Variants in DZIP1L observed in about 807,000 individuals in gnomAD.
The protein encoded by DZIP1L is cilium assembly protein DZIP1L.
A neutral mutation model predicts 88.7 loss-of-function variants in DZIP1L; 90 were observed. The ratio of observed to expected loss-of-function variants is 1.02; its 90% CI spans 0.86 to 1.21. The LOEUF is 1.21. DZIP1L is among the 50% of genes most tolerant of loss of function. The pLI is 0.00. For missense variants in DZIP1L, 932 were observed against 955.8 expected (o/e 0.98, Z 0.33); for synonymous variants, 363 against 372.1 (o/e 0.98, Z 0.28).
In DZIP1L at chr3:138,071,403, G is replaced by A. The variant is rs1312029409; in HGVS notation, c.1615+240C>T. 5.9e-5 allele frequency among the ~76,000 whole-genome samples: 9 copies of A among 152,260 alleles called. No homozygotes were observed. In the South Asian group the frequency reaches 6.2e-4, roughly 11 times the overall value. On this transcript the variant is annotated intron_variant, in intron 12 of 15. Coordinates refer to ENST00000327532, the MANE Select transcript of DZIP1L (RefSeq NM_173543.3). Reference sequence around the variant, plus strand: ...CAGGCTGACAACAGGCTCCAGCTCCGGCTCTCCTCCAACTTCCCCGAGTGA... The same window carrying A: ...CAGGCTGACAACAGGCTCCAGCTCCAGCTCTCCTCCAACTTCCCCGAGTGA...
chr3:138,066,963 C>A (rs905824408), intron 14 of DZIP1L, among the ~76,000 whole-genome samples: 1 of 152,126 alleles, frequency 6.6e-6, no homozygotes, highest in Admixed American at 6.5e-5. Context: ...TGGAGCCTGG[C>A]TGGAGTGTAC....
chr3:138,075,902 T>A (rs532559698), intron 11 of DZIP1L, among the ~76,000 whole-genome samples: 58 of 152,052 alleles, frequency 3.8e-4, no homozygotes, highest in African/African-American at 1.2e-3. Context: ...GAGGTTGCAG[T>A]GAGCCGAGAT....
rs370713283 is a variant in DZIP1L at position 138,092,391 on chromosome 3, G to A, written c.862C>T (p.Leu288=). 6.3e-7 allele frequency: 1 copy of A among 1,581,982 alleles called. No individual in the cohort carries two copies. Among genetic ancestry groups the A allele is most frequent in the African/African-American group, 1.4e-5 (1 of 73,082 alleles). ...CCTTTTATGTTGGGTACCTCTTCTA[G>A]TGTAGAGTTCTGCTTGGCGACATTT... ...FKNVAKQNST[L]EEKLRALQSH... is the part of the protein sequence containing the mutation. The change falls in exon 5 of 16, where the codon CTA becomes TTA. Residue 288 remains leucine, a synonymous_variant. Transcript: ENST00000327532.
Position 138,097,748 on chromosome 3 carries a change from G to T in DZIP1L, c.586+15C>A. On this transcript the variant is annotated intron_variant, in intron 3 of 15. Coordinates refer to ENST00000327532, the MANE Select transcript of DZIP1L (RefSeq NM_173543.3). ...CACAGTCCCAGAAGGGGCCCGGGCT[G>T]CTGTCTGGACTCACCACCTTCTGCC... 6.2e-7 allele frequency: 1 copy of T among 1,604,648 alleles called. No homozygotes were observed. Among genetic ancestry groups the T allele is most frequent in the Non-Finnish European group, 8.5e-7 (1 of 1,175,388 alleles).
chr3:138,102,831 G>C, intron 2 of DZIP1L: 1 of 719,942 alleles, frequency 1.4e-6, no homozygotes, highest in South Asian at 1.4e-5. Flanking sequence ...TGCCAGCACT[G>C]GGCCCACTCA....
At chr3:138,103,370 G>T in intron 2 of DZIP1L, 101 bp downstream of exon 2, 1 of 1,332,842 alleles carries the variant, frequency 7.5e-7, no homozygotes, top group Non-Finnish European at 1.0e-6. Context: ...CAGCCCCCCA[G>T]CAGCCTTAAG....
intron 11 of DZIP1L, among the ~76,000 whole-genome samples, chr3:138,075,138 G>A (rs1943344943): frequency 6.6e-6 from 1 of 152,152 alleles, no homozygotes; most frequent in Non-Finnish European, 1.5e-5. Flanking sequence ...TAACACTGGA[G>A]TTTCCAAATT....
chr3:138,061,990 T>C lies in DZIP1L; in HGVS notation c.*826A>G, dbSNP rs1333428253. On this transcript the variant is annotated 3_prime_UTR_variant, in exon 16 of 16. Coordinates refer to ENST00000327532, the MANE Select transcript of DZIP1L (RefSeq NM_173543.3). ...AAAAATAATGAAATACATACCAGAGTTAAAAACATTGTACTATATTTAAAT... is the reference window on the plus strand; with the variant it reads ...AAAAATAATGAAATACATACCAGAGCTAAAAACATTGTACTATATTTAAAT... 6.6e-6 allele frequency: 1 copy of C among 152,646 alleles called. No individual in the cohort carries two copies. The highest frequency in any genetic ancestry group is 1.5e-5 in the Non-Finnish European group (1 of 68,042). The allele number at this position is 152,646 out of a possible 1,614,324, so 9.5% of individuals were successfully genotyped here.
intron 11 of DZIP1L, among the ~76,000 whole-genome samples, chr3:138,072,748 G>C (rs1273706052): frequency 6.6e-6 from 1 of 152,150 alleles, no homozygotes; most frequent in African/African-American, 2.4e-5. Flanking sequence ...TTTCTCAATG[G>C]GGAGGTTTGT....
chr3:138,100,311 G>A (rs750603173), intron 2 of DZIP1L, among the ~76,000 whole-genome samples: 1 of 152,260 alleles, frequency 6.6e-6, no homozygotes, highest in Non-Finnish European at 1.5e-5. Context: ...GCTAGGAGAT[G>A]TCACACTCAG....
rs565091145 is a variant in DZIP1L, at chr3:138,084,372, C to T, written c.1063-119G>A. The T allele has an allele frequency of 4.2e-5, 56 of 1,334,254 alleles. 1 individual carries two copies. In the South Asian group the frequency reaches 8.4e-4, roughly 20 times the overall value. 82.7% of individuals were successfully genotyped at this position (1,334,254 alleles called of 1,614,324 possible). On this transcript the variant is annotated intron_variant, in intron 7 of 15. Coordinates refer to ENST00000327532, the MANE Select transcript of DZIP1L (RefSeq NM_173543.3). ...GCAAGCACAGTAAAGGATTTTGAGA[C>T]CTGGACAGGCTTTCTAACAAGACAA...
chr3:138,085,360 G>A (rs982070851), intron 7 of DZIP1L, among the ~76,000 whole-genome samples: 30 of 152,110 alleles, frequency 2.0e-4, no homozygotes, highest in Non-Finnish European at 3.7e-4. Flanking sequence ...CTACTCATCT[G>A]ACAAAGGGCT....
At chr3:138,089,793 G>A (rs1225626035) in intron 5 of DZIP1L, among the ~76,000 whole-genome samples, 2 of 151,980 alleles carry the variant, frequency 1.3e-5, no homozygotes, top group East Asian at 3.9e-4. Context: ...AAGGAGACAG[G>A]GTGAGACACA....
At chr3:138,102,035 C>G in intron 2 of DZIP1L, 1 of 1,476,950 alleles carries the variant, frequency 6.8e-7, no homozygotes, top group South Asian at 1.1e-5. Flanking sequence ...CTCCATGCTT[C>G]CCAGCCAGCA....
At chr3:138,086,712 C>A (rs1943957902) in intron 7 of DZIP1L, among the ~76,000 whole-genome samples, 1 of 152,192 alleles carries the variant, frequency 6.6e-6, no homozygotes, top group African/African-American at 2.4e-5. Flanking sequence ...GACCACAGAA[C>A]AAAGGATGTG....
At chr3:138,108,239 G>A (rs1165322375) in intron 1 of DZIP1L, 16 of 985,116 alleles carry the variant, frequency 1.6e-5, no homozygotes, top group Middle Eastern at 5.2e-4. Flanking sequence ...CCTCAGAGAC[G>A]ACTACTCACA....
At chr3:138,105,179 T>C (rs58883369) in intron 1 of DZIP1L, among the ~76,000 whole-genome samples, 1,799 of 152,206 alleles carry the variant, frequency 0.012, 43 homozygotes, top group African/African-American at 0.041. Flanking sequence ...CATATTAATA[T>C]AATCATATTT....
chr3:138,079,779 AT>A (rs1943563997), intron 10 of DZIP1L, among the ~76,000 whole-genome samples: 1 of 152,238 alleles, frequency 6.6e-6, no homozygotes, highest in Admixed American at 6.5e-5. Context: ...ACATTAAAAA[AT>A]AAAATACCCC....
In DZIP1L at chr3:138,080,611, T is replaced by C; in HGVS notation, c.1244A>G (p.Lys415Arg). The change falls in exon 10 of 16, where the codon AAG becomes AGG. Residue 415 changes from lysine (K) to arginine (R), a missense_variant. Lys to Arg is a conservative substitution (Grantham distance 26). Transcript: ENST00000327532. Reference protein sequence around the residue: ...LSLRKVEGIHKVPKAVDTEED... With the variant: ...LSLRKVEGIHRVPKAVDTEED... The stretch of plus-strand genomic sequence containing the variant: ...CTCTGTGTCCACAGCCTTTGGCACC[T>C]TGTGGATCCCTGAAGAGAGGAGGAA... 6.2e-7 allele frequency: 1 copy of C among 1,613,508 alleles called. No individual in the cohort carries two copies. Among genetic ancestry groups the C allele is most frequent in the Non-Finnish European group, 8.5e-7 (1 of 1,179,736 alleles).
Sources: allele counts gnomAD v4.1 joint callset (sites outside exome capture counted in the v4.1 genomes callset), GRCh38; gene constraint gnomAD v4.1.1; transcripts MANE v1.5; gene names NCBI Gene and HGNC (gene_info 2026-07-23, HGNC 2026-07-21).